Variants in FAM131C observed in about 807,000 individuals in gnomAD.
FAM131C encodes the protein family with sequence similarity 131 member C.
Under a neutral mutation model 29.8 loss-of-function variants are expected in FAM131C, and 14 were observed. The ratio of observed to expected loss-of-function variants is 0.47; its 90% confidence interval spans 0.31 to 0.73. FAM131C has a LOEUF of 0.73. Among genes scored for constraint, FAM131C ranks in the 30% least tolerant of loss-of-function variants. The pLI, the probability that FAM131C is intolerant of heterozygous loss-of-function variation, is 0.05. For synonymous variants in FAM131C, 86 were observed against 157.8 expected, an observed-to-expected ratio of 0.54 and a Z score of 3.41; for missense variants, 252 against 383.8, an observed-to-expected ratio of 0.66 and a Z score of 2.87.
intron 1 of FAM131C, among the ~76,000 whole-genome samples, chr1:16,065,028 C>T (rs1183594647): frequency 2.0e-5 from 3 of 152,172 alleles, no homozygotes; most frequent in African/African-American, 7.2e-5. Context: ...GGCCCTTCTC[C>T]ACCCTCTCTC....
At position 16,063,558 on chromosome 1, in the gene FAM131C, C is replaced by T. The variant is rs755896471; in HGVS notation, c.101G>A (p.Arg34His). The T allele has an allele frequency of 1.1e-5, 17 of 1,613,570 alleles. No homozygotes were observed. The highest frequency in any genetic ancestry group is 8.8e-5 in the South Asian group (8 of 91,070). The stretch of plus-strand genomic sequence containing the variant: ...ACAGTCTGGAGCCACGGTGGGAGTG[C>T]GGCCCGAGGGCAGATCTGGGTTCAA... ...DPLNPDLPSGRTPTVAPDCVI... is the reference protein window; with the variant it reads ...DPLNPDLPSGHTPTVAPDCVI... The change falls in exon 2 of 7, where the codon CGC (arginine) becomes CAC (histidine). Residue 34 changes from arginine (R) to histidine (H), a missense_variant. This residue lies in a region of FAM131C where 76 missense variants were observed against 62.8 expected (regional missense o/e 1.21). Transcript: ENST00000375662.
At chr1:16,065,655 A>G (rs2023673015) in intron 1 of FAM131C, among the ~76,000 whole-genome samples, 1 of 152,136 alleles carries the variant, frequency 6.6e-6, no homozygotes, top group East Asian at 1.9e-4. Context: ...GCAGAACCCC[A>G]GCTCTTTTGT....
At chr1:16,070,187 G>T (rs1056181986) in intron 1 of FAM131C, among the ~76,000 whole-genome samples, 2 of 152,190 alleles carry the variant, frequency 1.3e-5, no homozygotes, top group African/African-American at 2.4e-5. Flanking sequence ...AGACCCTCCC[G>T]TTCTCTGAGC....
intron 6 of FAM131C, among the ~76,000 whole-genome samples, chr1:16,058,968 C>A (rs945408): frequency 6.8e-6 from 1 of 146,528 alleles, no homozygotes; most frequent in African/African-American, 2.5e-5. Context: ...AACCAGTGCT[C>A]CTCTGGGCCT....
At chr1:16,069,374 G>GA (rs1411316621) in intron 1 of FAM131C, among the ~76,000 whole-genome samples, 1 of 152,202 alleles carries the variant, frequency 6.6e-6, no homozygotes, top group African/African-American at 2.4e-5. Flanking sequence ...TCAGGACTTG[G>GA]AAACTATGGG....
rs1158582563 is a variant in FAM131C, at chr1:16,058,662, G to A, written c.618C>T (p.Asp206=). 7 of 1,600,032 alleles carry A rather than the reference G, an allele frequency of 4.4e-6. No individual in the cohort carries two copies. In the Admixed American group the frequency reaches 8.7e-5, roughly 20 times the overall value. ...DSLPSGPSQD[D]SLQAFSSPSP... Reference sequence around the variant, plus strand: ...TGGGCGAGGAGAAGGCCTGAAGGCTGTCATCCTGTGAGGGGCCGCTGGGAA... The same window carrying A: ...TGGGCGAGGAGAAGGCCTGAAGGCTATCATCCTGTGAGGGGCCGCTGGGAA... Residue 206 remains aspartate (D), a synonymous_variant, in exon 7 of 7, where the codon GAC becomes GAT. Coordinates refer to ENST00000375662, the MANE Select transcript of FAM131C (RefSeq NM_182623.3).
intron 3 of FAM131C, 123 bp from the exon 4 acceptor site, chr1:16,062,315 G>A (rs1370599675): frequency 4.1e-5 from 61 of 1,475,592 alleles, no homozygotes; most frequent in Non-Finnish European, 5.4e-5. Flanking sequence ...GCAGGGACAG[G>A]GCAGCTAAAG....
rs3884058 is a variant in FAM131C at position 16,059,485 on chromosome 1, G to C, written c.562+9C>G. ...CCCACCCCCGCCCCCTGGACCCTCT[G>C]GGCTGTACCTTGGAGCTGGACGATG... On this transcript the variant is annotated intron_variant, in intron 6 of 6. Coordinates refer to ENST00000375662, the MANE Select transcript of FAM131C (RefSeq NM_182623.3). 6.3e-7 allele frequency: 1 copy of C among 1,599,880 alleles called. No individual in the cohort carries two copies. The highest frequency in any genetic ancestry group is 2.3e-5 in the East Asian group (1 of 44,434).
At chr1:16,058,948 G>A (rs1163400898) in intron 6 of FAM131C, among the ~76,000 whole-genome samples, 4 of 152,362 alleles carry the variant, frequency 2.6e-5, no homozygotes, top group African/African-American at 9.6e-5. Context: ...TGCTCTCTGA[G>A]AACTGGGACA....
chr1:16,062,272 G>C (rs1306826216), intron 3 of FAM131C, 80 bp from the exon 4 acceptor site: 41 of 1,504,922 alleles, frequency 2.7e-5, no homozygotes, highest in Non-Finnish European at 3.6e-5. Context: ...ACCCATCCCC[G>C]TCTCCCAGCT....
chr1:16,059,538 T>G lies in FAM131C; in HGVS notation c.518A>C (p.Glu173Ala). The change falls in exon 6 of 7, where the codon GAG (glutamate) becomes GCG (alanine). Residue 173 changes from glutamate to alanine, a missense_variant. Glu to Ala is a moderately radical substitution (Grantham distance 107). Around this residue, in one of 6 missense-constraint regions of FAM131C, gnomAD observed 33 missense variants for 54.0 expected, o/e 0.61. Transcript: ENST00000375662. ...LSAWSSLDEEELHPENSPQGI... is the reference protein window; with the variant it reads ...LSAWSSLDEEALHPENSPQGI... The stretch of plus-strand genomic sequence containing the variant: ...TTGGGGGCTGTTCTCGGGGTGCAGC[T>G]CCTCTTCGTCCAGCGAGGACCAAGC... 1 of 1,607,076 alleles carries G rather than the reference T, an allele frequency of 6.2e-7. No homozygotes were observed. Among genetic ancestry groups the G allele is most frequent in the East Asian group, 2.2e-5 (1 of 44,646 alleles).
Position 16,063,598 on chromosome 1 carries a change from GGGGCATGGGGCAGTTCTTGT to G in FAM131C, c.41_60del (p.His14ProfsTer112), listed in dbSNP as rs1256527297. 1 of 1,613,156 alleles carries G rather than the reference GGGGCATGGGGCAGTTCTTGT, an allele frequency of 6.2e-7. No individual in the cohort carries two copies. Among genetic ancestry groups the G allele is most frequent in the Admixed American group, 1.7e-5 (1 of 59,908 alleles). ...TCTGGGTTCAAGGGGTCCGCACCCT[GGGGCATGGGGCAGTTCTTGT>G]GGGCACTTGTGAACAGGTCTGGAAA... On this transcript the variant is annotated frameshift_variant, in exon 2 of 7. Transcript: ENST00000375662. LOFTEE classifies it high-confidence loss of function.
chr1:16,063,684 T>C, intron 1 of FAM131C, 48 bp from the exon 2 acceptor site: 2 of 1,340,862 alleles, frequency 1.5e-6, no homozygotes, highest in Non-Finnish European at 2.1e-6. Flanking sequence ...CAGCCCTCTC[T>C]TGCTTACAAA....
chr1:16,066,923 C>T (rs1570357549), intron 1 of FAM131C, among the ~76,000 whole-genome samples: 1 of 152,222 alleles, frequency 6.6e-6, no homozygotes, highest in East Asian at 1.9e-4. Flanking sequence ...ACCCTAGGAA[C>T]TTGAGAGGTG....
At chr1:16,065,922 C>T (rs1470971015) in intron 1 of FAM131C, among the ~76,000 whole-genome samples, 1 of 137,216 alleles carries the variant, frequency 7.3e-6, no homozygotes, top group African/African-American at 2.9e-5. Flanking sequence ...TTTTTGGAGA[C>T]AGAATCTCGC....
chr1:16,060,139 C>T (rs2023574519), intron 4 of FAM131C, 88 bp from the exon 5 acceptor site: 1 of 684,794 alleles, frequency 1.5e-6, no homozygotes. Flanking sequence ...ACCCAGTGGC[C>T]TGTACCCCAC....
chr1:16,063,576 G>A lies in FAM131C; in HGVS notation c.83C>T (p.Pro28Leu), dbSNP rs766342261. Reference protein sequence around the residue: ...PMPQGADPLNPDLPSGRTPTV... With the variant: ...PMPQGADPLNLDLPSGRTPTV... ...GGGAGTGCGGCCCGAGGGCAGATCT[G>A]GGTTCAAGGGGTCCGCACCCTGGGG... The change falls in exon 2 of 7, where the codon CCA becomes CTA. Residue 28 changes from proline (P) to leucine (L), a missense_variant. By Grantham distance (98) the Pro-to-Leu change is moderately conservative (BLOSUM62 -3). Around this residue, in one of 6 missense-constraint regions of FAM131C, gnomAD observed 76 missense variants for 62.8 expected, o/e 1.21. Coordinates refer to ENST00000375662, the MANE Select transcript of FAM131C (RefSeq NM_182623.3). The A allele has an allele frequency of 1.9e-6, 3 of 1,613,926 alleles. No individual in the cohort carries two copies. The highest frequency in any genetic ancestry group is 2.5e-6 in the Non-Finnish European group (3 of 1,179,876).
At chr1:16,067,524 A>G (rs1311588900) in intron 1 of FAM131C, among the ~76,000 whole-genome samples, 4 of 152,116 alleles carry the variant, frequency 2.6e-5, no homozygotes, top group African/African-American at 9.7e-5. Context: ...TCTGTCCACA[A>G]GAGTGACAGG....
rs188065560 is a variant in FAM131C, at chr1:16,057,857, G to A, written c.*580C>T. 1.2e-5 allele frequency: 2 copies of A among 162,330 alleles called. No individual in the cohort carries two copies. Among genetic ancestry groups the A allele is most frequent in the Non-Finnish European group, 1.4e-5 (1 of 74,016 alleles). 10.1% of individuals were successfully genotyped at this position (162,330 alleles called of 1,614,324 possible). On this transcript the variant is annotated 3_prime_UTR_variant, in exon 7 of 7. Transcript: ENST00000375662. ...AAGGAGGGGGAGTGGGCTCCCAGGG[G>A]TGAGGAGCAGGGGACACGGAGGAAG...
Sources: gnomAD v4.1 joint callset for allele counts (sites outside exome capture counted in the v4.1 genomes callset) on GRCh38, gnomAD v4.1.1 for gene constraint, gnomAD v4.1.1 regional missense constraint, MANE v1.5 for transcripts, NCBI Gene and HGNC (gene_info 2026-07-23, HGNC 2026-07-21) for gene names.